Variants in DMD observed in about 807,000 individuals in gnomAD.
DMD encodes the protein dystrophin.
Under a neutral mutation model 330.1 loss-of-function variants are expected in DMD, and 63 were observed. The observed-to-expected ratio is 0.19, with a 90% confidence interval of 0.16 to 0.24. DMD has a LOEUF of 0.24. DMD is among the 10% of genes least tolerant of loss of function. The probability of loss-of-function intolerance (pLI) is 1.00; values close to 1 mark genes in which losing one functional copy is unlikely to be tolerated. For missense variants in DMD, 3,344 were observed against 2,684.1 expected (o/e 1.25, Z -5.43); for synonymous variants, 1,223 against 959.8 (o/e 1.27, Z -5.07).
chrX:31,284,851 CACACACACACA>C (rs1569517097), intron 62 of DMD, among the ~76,000 whole-genome samples: 20 of 108,042 alleles, frequency 1.9e-4, no homozygotes, highest in African/African-American at 4.4e-4. Context: ...CACACACACA[CACACACACACA>C]CCCACACCCA....
At chrX:33,140,946 G>GTA (rs2047765482) in intron 1 of DMD, among the ~76,000 whole-genome samples, 1 of 111,753 alleles carries the variant, frequency 8.9e-6, no homozygotes, top group East Asian at 2.8e-4. Context: ...ATACGTGTGT[G>GTA]TATATATATA....
intron 44 of DMD, among the ~76,000 whole-genome samples, chrX:32,012,652 A>C (rs750554909): frequency 2.7e-4 from 30 of 111,761 alleles, no homozygotes; most frequent in Non-Finnish European, 5.1e-4. Flanking sequence ...GGTTTCAATC[A>C]ACCATGTAGT....
chrX:32,992,906 C>CAAAA (rs34177386), intron 2 of DMD, among the ~76,000 whole-genome samples: 2 of 35,504 alleles, frequency 5.6e-5, no homozygotes, highest in African/African-American at 1.7e-4. Context: ...AGCTCTGTCT[C>CAAAA]AAAAAAAAAA....
At chrX:33,254,934 C>T (rs975301051) in intron 1 of DMD, among the ~76,000 whole-genome samples, 11 of 110,689 alleles carry the variant, frequency 9.9e-5, no homozygotes, top group East Asian at 2.8e-4. Flanking sequence ...GAACACCTCA[C>T]GTGTGCAATT....
intron 51 of DMD, among the ~76,000 whole-genome samples, chrX:31,740,648 T>C (rs767816243): frequency 1.8e-5 from 2 of 112,138 alleles, no homozygotes; most frequent in South Asian, 7.4e-4. Flanking sequence ...GAAAATACAT[T>C]ACTCCTAAAA....
At chrX:32,950,208 C>T (rs1448160849) in intron 2 of DMD, among the ~76,000 whole-genome samples, 1 of 111,106 alleles carries the variant, frequency 9.0e-6, no homozygotes, top group Non-Finnish European at 1.9e-5. Flanking sequence ...GCAGTAGTAA[C>T]AGCAATGACA....
intron 1 of DMD, among the ~76,000 whole-genome samples, chrX:33,225,789 G>A (rs1362888314): frequency 3.6e-5 from 4 of 110,446 alleles, no homozygotes; most frequent in Non-Finnish European, 7.6e-5. Flanking sequence ...GCTGCACATC[G>A]AGAAAAATAC....
chrX:32,356,005 A>T (rs1365287445), intron 37 of DMD, among the ~76,000 whole-genome samples: 1 of 110,920 alleles, frequency 9.0e-6, no homozygotes, highest in South Asian at 3.8e-4. Context: ...GTGTTAAGTT[A>T]TAATACGATC....
In DMD at chrX:31,730,133, G is replaced by A. The variant is rs1052592488; in HGVS notation, c.7543-385C>T. Among the ~76,000 whole-genome samples, 3 of 111,431 alleles carry A rather than the reference G, an allele frequency of 2.7e-5. No individual in the cohort carries two copies. In the East Asian group the frequency reaches 8.4e-4, roughly 31 times the overall value. On this transcript the variant is annotated intron_variant, in intron 51 of 78. Transcript: ENST00000357033. Reference sequence around the variant, plus strand: ...CATTCTGTGTGACGTCAAAATTAAGGTATATTTATTTTAAAAACAGAAAAA... The same window carrying A: ...CATTCTGTGTGACGTCAAAATTAAGATATATTTATTTTAAAAACAGAAAAA...
chrX:32,669,498 T>C (rs1302622656), intron 9 of DMD, among the ~76,000 whole-genome samples: 1 of 112,004 alleles, frequency 8.9e-6, no homozygotes, highest in African/African-American at 3.2e-5. Flanking sequence ...AAATATTCTG[T>C]CCTTGAACCT....
At chrX:32,396,419 T>C (rs922529219) in intron 30 of DMD, among the ~76,000 whole-genome samples, 1 of 111,468 alleles carries the variant, frequency 9.0e-6, no homozygotes, top group Non-Finnish European at 1.9e-5. Context: ...TGTAGTACTG[T>C]TCCAATATGA....
At chrX:31,576,698 T>G (rs2076115021) in intron 55 of DMD, among the ~76,000 whole-genome samples, 1 of 111,192 alleles carries the variant, frequency 9.0e-6, no homozygotes, top group Non-Finnish European at 1.9e-5. Context: ...CTTTAGGATA[T>G]TCTAACAAGT....
At chrX:33,083,009 A>C (rs2094953125) in intron 1 of DMD, among the ~76,000 whole-genome samples, 2 of 112,117 alleles carry the variant, frequency 1.8e-5, no homozygotes, top group Admixed American at 9.5e-5. Context: ...CTTGCAGAGG[A>C]GACAAATAGT....
chrX:33,010,860 C>A (rs1286860725), intron 2 of DMD, among the ~76,000 whole-genome samples: 1 of 111,070 alleles, frequency 9.0e-6, no homozygotes, highest in African/African-American at 3.3e-5. Flanking sequence ...AAGTGTGGTT[C>A]TTTGGCCGTC....
chrX:33,191,423 CTT>C (rs11459893), intron 1 of DMD, among the ~76,000 whole-genome samples: 1 of 107,011 alleles, frequency 9.3e-6, no homozygotes, highest in East Asian at 3.0e-4. Context: ...TTTACTTTTA[CTT>C]TTTTTTCGTT....
intron 44 of DMD, chrX:32,205,816 C>G: frequency 8.6e-6 from 2 of 231,413 alleles, no homozygotes; most frequent in Admixed American, 1.1e-4. Flanking sequence ...GTGATTCTGT[C>G]CTGCACAGCT....
At chrX:32,252,555 G>A (rs992517145) in intron 43 of DMD, among the ~76,000 whole-genome samples, 1 of 93,223 alleles carries the variant, frequency 1.1e-5, no homozygotes, top group Non-Finnish European at 2.1e-5. Flanking sequence ...TAAAGATTAT[G>A]ATGCCTTTGC....
intron 11 of DMD, among the ~76,000 whole-genome samples, chrX:32,636,344 A>G (rs942846119): frequency 2.5e-4 from 28 of 112,116 alleles, no homozygotes; most frequent in Non-Finnish European, 5.6e-5. Flanking sequence ...ACCTCACAGT[A>G]AATAGTTCAG....
chrX:32,672,849 T>C (rs911379854), intron 9 of DMD, among the ~76,000 whole-genome samples: 2 of 111,043 alleles, frequency 1.8e-5, no homozygotes, highest in African/African-American at 6.5e-5. Context: ...AAAGAGCCAC[T>C]GAGATACGGA....
Sources: allele counts gnomAD v4.1 joint callset (sites outside exome capture counted in the v4.1 genomes callset), GRCh38; gene constraint gnomAD v4.1.1; transcripts MANE v1.5; gene names NCBI Gene and HGNC (gene_info 2026-07-23, HGNC 2026-07-21).